The following TSC22D1 variants were observed in gnomAD, a reference collection of about 807,000 sequenced individuals.
TSC22D1 encodes TSC22 domain family member 1.
Under a neutral mutation model 74.2 loss-of-function variants are expected in TSC22D1, and 9 were observed. The observed-to-expected ratio is 0.12, with a 90% CI of 0.07 to 0.21. TSC22D1 has a LOEUF of 0.21. Among genes scored for constraint, TSC22D1 ranks in the 10% least tolerant of loss-of-function variants. TSC22D1 has a pLI of 1.00. For missense variants in TSC22D1, 1,427 were observed against 1,304.7 expected (o/e 1.09, Z -1.44); for synonymous variants, 586 against 492.5 (o/e 1.19, Z -2.51).
intron 1 of TSC22D1, among the ~76,000 whole-genome samples, chr13:44,524,033 ATATTTC>A (rs570087211): frequency 1.3e-5 from 2 of 152,342 alleles, no homozygotes; most frequent in South Asian, 4.1e-4. Flanking sequence ...AAGCATCTTA[ATATTTC>A]CAGTGCATGA....
intron 1 of TSC22D1, among the ~76,000 whole-genome samples, chr13:44,564,876 T>C (rs942874285): frequency 1.8e-4 from 28 of 152,064 alleles, no homozygotes; most frequent in Non-Finnish European, 3.1e-4. Flanking sequence ...AAGATGAAGA[T>C]ATATTTTAAA....
chr13:44,450,128 A>T (rs114988576), intron 1 of TSC22D1, among the ~76,000 whole-genome samples: 21,163 of 152,238 alleles, frequency 0.14, 1,926 homozygotes, highest in Non-Finnish European at 0.21. Context: ...TTGAAAAACA[A>T]ATAAGAGTTG....
intron 1 of TSC22D1, among the ~76,000 whole-genome samples, chr13:44,466,536 T>C (rs1877295755): frequency 6.7e-6 from 1 of 149,938 alleles, no homozygotes; most frequent in Admixed American, 6.6e-5. Context: ...TGGGAGGCCA[T>C]GGCAGGCGAA....
intron 1 of TSC22D1, chr13:44,436,932 GC>G (rs1333887763): frequency 4.8e-6 from 5 of 1,041,832 alleles, no homozygotes; most frequent in Non-Finnish European, 5.8e-6. Context: ...CACTGGGACC[GC>G]CCCCTACTCC....
intron 1 of TSC22D1, among the ~76,000 whole-genome samples, chr13:44,523,297 A>G (rs776104237): frequency 5.3e-5 from 8 of 152,194 alleles, no homozygotes; most frequent in Non-Finnish European, 1.2e-4. Flanking sequence ...ACACACAGGT[A>G]TTTTCCCAAA....
chr13:44,518,581 G>A (rs1880162537), intron 1 of TSC22D1, among the ~76,000 whole-genome samples: 1 of 152,092 alleles, frequency 6.6e-6, no homozygotes, highest in East Asian at 1.9e-4. Flanking sequence ...TAATTTTAAA[G>A]GCCTATGAGA....
intron 1 of TSC22D1, among the ~76,000 whole-genome samples, chr13:44,438,373 C>G (rs1311786024): frequency 6.6e-6 from 1 of 152,186 alleles, no homozygotes; most frequent in Non-Finnish European, 1.5e-5. Flanking sequence ...AAGCAGCATC[C>G]TTTTCTAAAA....
At chr13:44,568,407 G>C (rs1354354902) in intron 1 of TSC22D1, among the ~76,000 whole-genome samples, 1 of 152,032 alleles carries the variant, frequency 6.6e-6, no homozygotes, top group Non-Finnish European at 1.5e-5. Context: ...GAGAAAACTA[G>C]GCAAAGAGGT....
intron 1 of TSC22D1, chr13:44,538,147 T>C: frequency 2.0e-6 from 2 of 985,268 alleles, no homozygotes; most frequent in South Asian, 4.7e-5. Context: ...AAACTACTGT[T>C]TTGTGACAGT....
chr13:44,514,431 A>G (rs371024996), intron 1 of TSC22D1, among the ~76,000 whole-genome samples: 1 of 152,122 alleles, frequency 6.6e-6, no homozygotes, highest in African/African-American at 2.4e-5. Context: ...ACCATGAACA[A>G]GATCAAAAGA....
intron 1 of TSC22D1, among the ~76,000 whole-genome samples, chr13:44,496,206 A>C (rs1057216235): frequency 2.0e-5 from 3 of 152,226 alleles, no homozygotes; most frequent in Non-Finnish European, 4.4e-5. Flanking sequence ...CAAATGGCTG[A>C]CAAGCACATG....
intron 1 of TSC22D1, chr13:44,436,845 A>C: frequency 7.6e-7 from 1 of 1,324,096 alleles, no homozygotes; most frequent in Non-Finnish European, 9.6e-7. Context: ...GCCGGGCTCC[A>C]CTCAGCTCTA....
intron 1 of TSC22D1, among the ~76,000 whole-genome samples, chr13:44,449,147 C>G (rs1355100493): frequency 1.3e-5 from 2 of 152,198 alleles, no homozygotes; most frequent in Non-Finnish European, 1.5e-5. Context: ...TTGGTGAGAA[C>G]TGGCCCTCCA....
At chr13:44,472,661 G>A (rs770640576) in intron 1 of TSC22D1, among the ~76,000 whole-genome samples, 20 of 152,106 alleles carry the variant, frequency 1.3e-4, no homozygotes, top group East Asian at 1.9e-4. Context: ...ACAATTAACC[G>A]GTTGTGGTGG....
At chr13:44,491,486 G>A (rs1433856313) in intron 1 of TSC22D1, among the ~76,000 whole-genome samples, 1 of 148,580 alleles carries the variant, frequency 6.7e-6, no homozygotes, top group Non-Finnish European at 1.5e-5. Context: ...CCCGGCAGGC[G>A]GCGCTTGCAG....
At chr13:44,476,090 G>C (rs1038836327) in intron 1 of TSC22D1, among the ~76,000 whole-genome samples, 4 of 152,166 alleles carry the variant, frequency 2.6e-5, no homozygotes, top group African/African-American at 9.7e-5. Flanking sequence ...ACATTAGGTG[G>C]GGGCTACATG....
intron 1 of TSC22D1, chr13:44,539,026 T>C (rs1881311379): frequency 1.0e-6 from 1 of 985,258 alleles, no homozygotes. Context: ...GATAAGAACT[T>C]CCTGGAATCA....
At chr13:44,477,220 T>C (rs1249049064) in intron 1 of TSC22D1, among the ~76,000 whole-genome samples, 1 of 152,212 alleles carries the variant, frequency 6.6e-6, no homozygotes, top group Non-Finnish European at 1.5e-5. Context: ...CCCAAAGTGC[T>C]GGGACTGCAG....
chr13:44,546,030 G>T (rs1310339053), intron 1 of TSC22D1, among the ~76,000 whole-genome samples: 8 of 151,766 alleles, frequency 5.3e-5, no homozygotes, highest in Admixed American at 5.2e-4. Flanking sequence ...AAAAAGAAAA[G>T]AAAGACCATA....
Sources: gnomAD v4.1 joint callset for allele counts (sites outside exome capture counted in the v4.1 genomes callset) on GRCh38, gnomAD v4.1.1 for gene constraint, MANE v1.5 for transcripts, NCBI Gene and HGNC (gene_info 2026-07-23, HGNC 2026-07-21) for gene names.